The following NOSTRIN variants were observed in gnomAD, a reference collection of about 807,000 sequenced individuals.
NOSTRIN encodes the protein nitric oxide synthase trafficking.
A neutral mutation model predicts 59.0 loss-of-function variants in NOSTRIN; 63 were observed. That is an observed-to-expected ratio of 1.07 (90% CI 0.87 to 1.32). The LOEUF is 1.32. Among genes scored for constraint, NOSTRIN ranks in the 40% most tolerant of loss-of-function variants. The pLI is 0.00. For missense variants in NOSTRIN, 512 were observed against 473.1 expected (o/e 1.08, Z -0.76); for synonymous variants, 200 against 165.4 (o/e 1.21, Z -1.61).
chr2:168,787,764 T>C (rs954012105), intron 1 of NOSTRIN: 2 of 152,210 alleles, frequency 1.3e-5, no homozygotes, highest in Non-Finnish European at 2.9e-5. Context: ...TTTAAGCTGA[T>C]GAGAGTCCTT....
chr2:168,816,481 T>C (rs1461195680), intron 2 of NOSTRIN, among the ~76,000 whole-genome samples: 1 of 152,046 alleles, frequency 6.6e-6, no homozygotes, highest in Non-Finnish European at 1.5e-5. Context: ...TGCACCCCAC[T>C]CACACTCCTG....
chr2:168,834,511 A>ACACACACGCGCG (rs772551514), intron 7 of NOSTRIN, among the ~76,000 whole-genome samples, 186 bp downstream of exon 7: 353 of 129,482 alleles, frequency 2.7e-3, no homozygotes, highest in Non-Finnish European at 3.9e-3. Context: ...GCGCGCGCAC[A>ACACACACGCGCG]CACACACACA....
chr2:168,846,480 G>A (rs918078573), intron 8 of NOSTRIN, among the ~76,000 whole-genome samples: 3 of 152,196 alleles, frequency 2.0e-5, no homozygotes, highest in Non-Finnish European at 4.4e-5. Context: ...GATACTGTGA[G>A]AAATATTGTA....
chr2:168,793,149 C>T (rs1478848188), intron 2 of NOSTRIN, among the ~76,000 whole-genome samples: 3 of 152,180 alleles, frequency 2.0e-5, no homozygotes, highest in Non-Finnish European at 4.4e-5. Context: ...ATCACCCAGT[C>T]TTGCTGGTTC....
At chr2:168,834,486 GGCGTGCGCGCGC>G (rs1315999508) in intron 7 of NOSTRIN, among the ~76,000 whole-genome samples, 161 bp downstream of exon 7, 1 of 46,526 alleles carries the variant, frequency 2.1e-5, no homozygotes, top group East Asian at 5.2e-4. Context: ...AATCATTACT[GGCGTGCGCGCGC>G]GCGCGCGCGC....
upstream of NOSTRIN, among the ~76,000 whole-genome samples, chr2:168,801,769 C>A (rs1193946390): frequency 1.3e-5 from 2 of 152,146 alleles, no homozygotes; most frequent in African/African-American, 4.8e-5. Context: ...GCAACTGGGA[C>A]CACAGGTACA....
intron 10 of NOSTRIN, among the ~76,000 whole-genome samples, chr2:168,854,550 C>T (rs948618487): frequency 6.6e-6 from 1 of 152,128 alleles, no homozygotes; most frequent in Non-Finnish European, 1.5e-5. Flanking sequence ...GATAAAATTC[C>T]TACATCAGCC....
chr2:168,860,841 A>G lies in NOSTRIN; in HGVS notation c.1226A>G (p.Lys409Arg), dbSNP rs1439780289. ...AAAATATCTCGGCCTTTTTTAATGAAGAGATTAGAGAATATTGTGAGCAAG... is the reference window on the plus strand; with the variant it reads ...AAAATATCTCGGCCTTTTTTAATGAGGAGATTAGAGAATATTGTGAGCAAG... ...YVKISRPFLM[K>R]RLENIVSKAS... The change falls in exon 14 of 16, where the codon AAG becomes AGG. Residue 409 changes from lysine to arginine, a missense_variant. Physicochemically the swap from Lys to Arg is conservative, Grantham distance 26. Coordinates refer to ENST00000317647, the MANE Select transcript of NOSTRIN (RefSeq NM_001039724.4). 2.5e-6 allele frequency: 4 copies of G among 1,613,044 alleles called. No individual in the cohort carries two copies. The highest frequency in any genetic ancestry group is 3.4e-6 in the Non-Finnish European group (4 of 1,179,182).
At chr2:168,863,736 A>G in intron 15 of NOSTRIN, 1 of 842,056 alleles carries the variant, frequency 1.2e-6, no homozygotes, top group Non-Finnish European at 1.4e-6. Context: ...TGATCTTAAG[A>G]AAAGACTGTT....
intron 2 of NOSTRIN, among the ~76,000 whole-genome samples, chr2:168,815,302 C>T (rs1686338571): frequency 6.6e-6 from 1 of 152,182 alleles, no homozygotes; most frequent in African/African-American, 2.4e-5. Context: ...CAGATTTAGC[C>T]AGAGAAACAT....
At position 168,813,185 on chromosome 2, in the gene NOSTRIN, A is replaced by C. The variant is rs182392605; in HGVS notation, c.113+1533A>C. Among the ~76,000 whole-genome samples, 30 of 152,334 alleles carry C rather than the reference A, an allele frequency of 2.0e-4. No homozygotes were observed. In the East Asian group the frequency reaches 5.2e-3, roughly 26 times the overall value. ...CCCATTATTTGTATGACTCCTATGAATTCAACTCATTACCCAGATTAGAAA... is the reference window on the plus strand; with the variant it reads ...CCCATTATTTGTATGACTCCTATGACTTCAACTCATTACCCAGATTAGAAA... On this transcript the variant is annotated intron_variant, in intron 2 of 15. Transcript: ENST00000317647.
At chr2:168,819,649 G>A (rs1686614417) in intron 2 of NOSTRIN, among the ~76,000 whole-genome samples, 1 of 152,230 alleles carries the variant, frequency 6.6e-6, no homozygotes, top group Admixed American at 6.5e-5. Flanking sequence ...GTCTTGCAGA[G>A]TAATTTGCTC....
intron 3 of NOSTRIN, 30 bp from the exon 4 acceptor site, chr2:168,828,128 C>T: frequency 1.1e-6 from 1 of 872,770 alleles, no homozygotes; most frequent in South Asian, 1.3e-5. Context: ...ATGACACTCA[C>T]CTTTGTTCCC....
chr2:168,822,491 A>G lies in NOSTRIN; in HGVS notation c.114-2143A>G, dbSNP rs183172555. 5.3e-5 allele frequency among the ~76,000 whole-genome samples: 8 copies of G among 152,380 alleles called. No individual in the cohort carries two copies. The East Asian group carries it at 1.3e-3, about 26-fold the overall frequency. ...AAAACACGCAGGTATTAGACTAGTT[A>G]TTAGAGAGCTCTGCCCAAATGAAAT... On this transcript the variant is annotated intron_variant, in intron 2 of 15. Transcript: ENST00000317647.
intron 6 of NOSTRIN, among the ~76,000 whole-genome samples, chr2:168,832,678 T>C (rs1462692115): frequency 6.6e-6 from 1 of 152,264 alleles, no homozygotes; most frequent in Non-Finnish European, 1.5e-5. Flanking sequence ...AAAAGGATGC[T>C]CATGAGAATC....
chr2:168,788,195 G>A (rs2105492707), intron 2 of NOSTRIN: 1 of 151,074 alleles, frequency 6.6e-6, no homozygotes, highest in South Asian at 2.1e-4. Context: ...AGCTATGATG[G>A]TGCCACTTGC....
upstream of NOSTRIN, among the ~76,000 whole-genome samples, chr2:168,794,936 A>T (rs1011730478): frequency 6.6e-6 from 1 of 152,168 alleles, no homozygotes; most frequent in African/African-American, 2.4e-5. Flanking sequence ...ACAGCATATA[A>T]AATTTCAAAA....
chr2:168,831,413 A>G, intron 5 of NOSTRIN, 59 bp from the exon 6 acceptor site: 5 of 828,736 alleles, frequency 6.0e-6, no homozygotes, highest in East Asian at 2.4e-5. Flanking sequence ...CATTTAGTCT[A>G]TTACAGCAAC....
chr2:168,840,550 AAC>A lies in NOSTRIN; in HGVS notation c.505-2440_505-2439del, dbSNP rs1455330871. Among the ~76,000 whole-genome samples the A allele has an allele frequency of 5.5e-3, 770 of 139,306 alleles. 10 individuals carry two copies. The highest frequency in any genetic ancestry group is 0.015 in the Middle Eastern group (4 of 260). 91.4% of individuals were successfully genotyped at this position (139,306 alleles called of 152,430 possible). On this transcript the variant is annotated intron_variant, in intron 7 of 15. Transcript: ENST00000317647. ...ATCTCAAAAAAAAAAAAAAAAAAAA[AAC>A]AAAAAAACAGATATGTCCTGTGTAG... is the stretch of plus-strand genomic sequence containing the variant.
Sources: allele counts gnomAD v4.1 joint callset (sites outside exome capture counted in the v4.1 genomes callset), GRCh38; gene constraint gnomAD v4.1.1; transcripts MANE v1.5; gene names NCBI Gene and HGNC (gene_info 2026-07-23, HGNC 2026-07-21).